The following GALNTL6 variants were observed in gnomAD, a reference collection of about 807,000 sequenced individuals.
GALNTL6 encodes polypeptide N-acetylgalactosaminyltransferase like 6, also known as polypeptide N-acetylgalactosaminyltransferase-like 6.
Under a neutral mutation model 73.7 loss-of-function variants are expected in GALNTL6, and 46 were observed. The observed-to-expected ratio is 0.62, with a 90% CI of 0.49 to 0.80. GALNTL6 has a LOEUF of 0.80. Ranked by LOEUF, GALNTL6 falls within the 30% of genes least tolerant of loss-of-function variation. The probability of loss-of-function intolerance (pLI) is 0.00; values close to 1 mark genes in which losing one functional copy is unlikely to be tolerated. For missense variants in GALNTL6, 604 were observed against 755.0 expected (o/e 0.80, Z 2.34); for synonymous variants, 259 against 263.7 (o/e 0.98, Z 0.17).
At chr4:172,264,734 A>G (rs1349874846) in intron 3 of GALNTL6, among the ~76,000 whole-genome samples, 1 of 150,082 alleles carries the variant, frequency 6.7e-6, no homozygotes, top group African/African-American at 2.4e-5. Flanking sequence ...GCTTCACATC[A>G]TTTATACAGA....
chr4:172,195,030 G>A (rs904007930), intron 2 of GALNTL6, among the ~76,000 whole-genome samples: 1 of 151,984 alleles, frequency 6.6e-6, no homozygotes, highest in South Asian at 2.1e-4. Flanking sequence ...AAGACCCATT[G>A]GCATGCTGTA....
At chr4:172,377,515 C>T (rs1469911838) in intron 5 of GALNTL6, among the ~76,000 whole-genome samples, 1 of 152,208 alleles carries the variant, frequency 6.6e-6, no homozygotes, top group East Asian at 1.9e-4. Context: ...GAGCTGCCCA[C>T]CAGTCCCACT....
chr4:172,685,732 A>G (rs1347702), intron 5 of GALNTL6, among the ~76,000 whole-genome samples: 25,865 of 152,158 alleles, frequency 0.17, 2,582 homozygotes, highest in Admixed American at 0.26. Flanking sequence ...TGAATAAAAC[A>G]TTAATCATTT....
chr4:172,444,958 A>G (rs563330817), intron 5 of GALNTL6, among the ~76,000 whole-genome samples: 4 of 152,332 alleles, frequency 2.6e-5, no homozygotes, highest in African/African-American at 9.6e-5. Context: ...CTCAAGGTAG[A>G]TGTGGCTGAG....
At chr4:172,339,308 CACACACAG>C in intron 4 of GALNTL6, among the ~76,000 whole-genome samples, 1 of 133,902 alleles carries the variant, frequency 7.5e-6, no homozygotes, top group South Asian at 2.4e-4. Context: ...CACACACACA[CACACACAG>C]AGTTTCCAGG....
In GALNTL6 at chr4:172,372,365, G is replaced by A. The variant is rs139076966; in HGVS notation, c.553+23676G>A. Among the ~76,000 whole-genome samples the A allele has an allele frequency of 3.1e-3, 467 of 152,276 alleles. 5 individuals carry two copies. Among genetic ancestry groups the A allele is most frequent in the African/African-American group, 0.01 (429 of 41,562 alleles). On this transcript the variant is annotated intron_variant, in intron 5 of 12. Transcript: ENST00000506823. ...AGGAGTAGCACCTGGTATCTAAGTA[G>A]GCAGTTGTCTGATAGCCATAAACTT...
At chr4:172,273,182 C>T (rs192573152) in intron 3 of GALNTL6, among the ~76,000 whole-genome samples, 1 of 152,178 alleles carries the variant, frequency 6.6e-6, no homozygotes, top group Non-Finnish European at 1.5e-5. Context: ...CCATTTGCAC[C>T]TTAGAATAAA....
intron 2 of GALNTL6, among the ~76,000 whole-genome samples, chr4:172,084,506 A>T (rs767648904): frequency 6.6e-6 from 1 of 152,182 alleles, no homozygotes; most frequent in African/African-American, 2.4e-5. Context: ...TGCAAGACAA[A>T]ACATTAATAT....
intron 5 of GALNTL6, among the ~76,000 whole-genome samples, chr4:172,719,010 A>T (rs572806108): frequency 6.6e-6 from 1 of 152,320 alleles, no homozygotes; most frequent in African/African-American, 2.4e-5. Context: ...ATTACATTTA[A>T]ATTACAACAT....
chr4:171,951,508 G>A (rs987319452), intron 2 of GALNTL6, among the ~76,000 whole-genome samples: 2 of 151,680 alleles, frequency 1.3e-5, no homozygotes, highest in East Asian at 1.9e-4. Flanking sequence ...AAAATCACGA[G>A]TAAAAATTTA....
chr4:172,138,761 C>A (rs1434797084), intron 2 of GALNTL6, among the ~76,000 whole-genome samples: 1 of 150,644 alleles, frequency 6.6e-6, no homozygotes, highest in East Asian at 2.0e-4. Context: ...GATCTCCTGA[C>A]CTCATGATCT....
rs1398306559 is a variant in GALNTL6, at chr4:171,960,500, G to A, written c.138+145782G>A. On this transcript the variant is annotated intron_variant, in intron 2 of 12. Transcript: ENST00000506823. ...TCACTGTGTTCCCCAGGCTGGTCTC[G>A]AACTCCTGATCTCAGGCAATCCACC... Among the ~76,000 whole-genome samples the A allele has an allele frequency of 7.2e-5, 11 of 151,852 alleles. No individual in the cohort carries two copies. In the East Asian group the frequency reaches 7.8e-4, roughly 11 times the overall value.
Position 171,981,035 on chromosome 4 carries a change from T to C in GALNTL6, c.138+166317T>C, listed in dbSNP as rs143659138. ...GTGAGCTGAAAATATCTGAGACAGATCTCAATCAATTTGGAGAGTTTATTT... is the reference window on the plus strand; with the variant it reads ...GTGAGCTGAAAATATCTGAGACAGACCTCAATCAATTTGGAGAGTTTATTT... On this transcript the variant is annotated intron_variant, in intron 2 of 12. Transcript: ENST00000506823. Among the ~76,000 whole-genome samples, 71 of 152,334 alleles carry C rather than the reference T, an allele frequency of 4.7e-4. 1 individual carries two copies. In the East Asian group the frequency reaches 0.013, roughly 29 times the overall value.
chr4:172,453,496 G>A (rs969175323), intron 5 of GALNTL6, among the ~76,000 whole-genome samples: 2 of 152,174 alleles, frequency 1.3e-5, no homozygotes, highest in East Asian at 3.9e-4. Context: ...CTAATTACAT[G>A]AGTTTTAAAT....
At chr4:172,195,358 C>T (rs1735724940) in intron 2 of GALNTL6, among the ~76,000 whole-genome samples, 1 of 152,194 alleles carries the variant, frequency 6.6e-6, no homozygotes, top group South Asian at 2.1e-4. Flanking sequence ...TAACACCCTA[C>T]TGTCAATATT....
chr4:172,568,430 ACTCTAAGGT>A (rs1348635304), intron 5 of GALNTL6, among the ~76,000 whole-genome samples: 1 of 151,866 alleles, frequency 6.6e-6, no homozygotes, highest in Non-Finnish European at 1.5e-5. Flanking sequence ...ATTATCTCTC[ACTCTAAGGT>A]CTCTTTTAAA....
intron 2 of GALNTL6, among the ~76,000 whole-genome samples, chr4:172,124,650 G>A (rs750959716): frequency 4.6e-5 from 7 of 152,028 alleles, no homozygotes; most frequent in African/African-American, 7.2e-5. Flanking sequence ...TCCTTGTTTC[G>A]TAGGCCTGTT....
At chr4:172,251,706 A>T (rs1737877015) in intron 3 of GALNTL6, among the ~76,000 whole-genome samples, 1 of 152,142 alleles carries the variant, frequency 6.6e-6, no homozygotes, top group Non-Finnish European at 1.5e-5. Flanking sequence ...CCTGGATTCC[A>T]AGAGAAAGCA....
chr4:172,519,643 T>C (rs1029376677), intron 5 of GALNTL6, among the ~76,000 whole-genome samples: 13 of 151,806 alleles, frequency 8.6e-5, no homozygotes, highest in Non-Finnish European at 1.6e-4. Flanking sequence ...TTAATTGAAA[T>C]AGGATAGCAG....
Sources: gnomAD v4.1 joint callset for allele counts (sites outside exome capture counted in the v4.1 genomes callset) on GRCh38, gnomAD v4.1.1 for gene constraint, MANE v1.5 for transcripts, NCBI Gene and HGNC (gene_info 2026-07-23, HGNC 2026-07-21) for gene names.